The following KCNK2 variants were observed in gnomAD, a reference collection of about 807,000 sequenced individuals.
KCNK2 encodes the protein potassium two pore domain channel subfamily K member 2.
KCNK2 carries 21 observed loss-of-function variants against 40.5 expected under a neutral mutation model. The ratio of observed to expected loss-of-function variants is 0.52; its 90% CI spans 0.37 to 0.75. KCNK2 has a LOEUF of 0.75. Ranked by LOEUF, KCNK2 falls within the 30% of genes least tolerant of loss-of-function variation. KCNK2 has a pLI of 0.00. For missense variants in KCNK2, 399 were observed against 531.6 expected (o/e 0.75, Z 2.45); for synonymous variants, 191 against 202.2 (o/e 0.94, Z 0.47).
chr1:215,018,615 T>C (rs1253023787), intron 1 of KCNK2, among the ~76,000 whole-genome samples: 2 of 152,034 alleles, frequency 1.3e-5, no homozygotes, highest in African/African-American at 4.8e-5. Context: ...ATGCCACAGA[T>C]AGTATATGTG....
chr1:215,066,740 T>C (rs918262872), intron 1 of KCNK2, among the ~76,000 whole-genome samples: 11 of 152,178 alleles, frequency 7.2e-5, no homozygotes, highest in African/African-American at 2.2e-4. Flanking sequence ...TTTCTTTGCC[T>C]CGGAATCTTC....
chr1:215,234,299 C>T (rs562743846), intron 6 of KCNK2, among the ~76,000 whole-genome samples: 5 of 152,296 alleles, frequency 3.3e-5, no homozygotes, highest in African/African-American at 1.2e-4. Flanking sequence ...CGCTCTTGCA[C>T]ACACCTTTTC....
intron 6 of KCNK2, among the ~76,000 whole-genome samples, chr1:215,203,814 A>G (rs1665182268): frequency 6.6e-6 from 1 of 152,022 alleles, no homozygotes; most frequent in Non-Finnish European, 1.5e-5. Flanking sequence ...CGAGATGGGC[A>G]GATCACAAGG....
At chr1:215,132,970 G>A (rs1661741741) in intron 3 of KCNK2, among the ~76,000 whole-genome samples, 1 of 152,204 alleles carries the variant, frequency 6.6e-6, no homozygotes, top group African/African-American at 2.4e-5. Flanking sequence ...TGTGCTAGCT[G>A]TAAAGGGATT....
intron 2 of KCNK2, among the ~76,000 whole-genome samples, chr1:215,095,995 G>T (rs1368468796): frequency 3.3e-5 from 5 of 152,114 alleles, no homozygotes; most frequent in Non-Finnish European, 5.9e-5. Context: ...AGGCAAGAGT[G>T]GGGGCAAGGG....
intron 1 of KCNK2, among the ~76,000 whole-genome samples, chr1:215,029,108 A>G (rs1366000093): frequency 1.3e-5 from 2 of 152,074 alleles, no homozygotes; most frequent in African/African-American, 2.4e-5. Context: ...TTTTTTTAAA[A>G]TTGACAAACT....
At chr1:215,014,083 C>T (rs1656500412) in intron 1 of KCNK2, among the ~76,000 whole-genome samples, 1 of 151,974 alleles carries the variant, frequency 6.6e-6, no homozygotes, top group Non-Finnish European at 1.5e-5. Flanking sequence ...AGGAAATTCT[C>T]TTTTATTCTT....
intron 2 of KCNK2, among the ~76,000 whole-genome samples, chr1:215,088,336 G>A (rs555005820): frequency 6.6e-6 from 1 of 152,260 alleles, no homozygotes; most frequent in East Asian, 1.9e-4. Context: ...TCTTAAACAA[G>A]TAGTTTTCCT....
At chr1:215,164,483 C>T (rs941075526) in intron 3 of KCNK2, among the ~76,000 whole-genome samples, 1 of 151,878 alleles carries the variant, frequency 6.6e-6, no homozygotes, top group South Asian at 2.1e-4. Flanking sequence ...GCTCTTGCTT[C>T]TCTAGTTCTT....
At chr1:215,027,650 A>G (rs530081187) in intron 1 of KCNK2, among the ~76,000 whole-genome samples, 1 of 152,350 alleles carries the variant, frequency 6.6e-6, no homozygotes, top group East Asian at 1.9e-4. Flanking sequence ...AAATATTCAC[A>G]TGTACATTCC....
At chr1:215,210,670 C>T (rs1558142035) in intron 6 of KCNK2, among the ~76,000 whole-genome samples, 1 of 152,032 alleles carries the variant, frequency 6.6e-6, no homozygotes, top group Non-Finnish European at 1.5e-5. Context: ...TAGCATTCTC[C>T]CTCAAGGAGA....
At chr1:215,045,207 A>C (rs146434962) in intron 1 of KCNK2, among the ~76,000 whole-genome samples, 2 of 34,892 alleles carry the variant, frequency 5.7e-5, no homozygotes, top group Non-Finnish European at 8.1e-5. Context: ...ACAAACAAAA[A>C]CCAAAAAAAA....
At chr1:215,132,652 C>T (rs1453860914) in intron 3 of KCNK2, among the ~76,000 whole-genome samples, 1 of 151,610 alleles carries the variant, frequency 6.6e-6, no homozygotes, top group Non-Finnish European at 1.5e-5. Context: ...GTTATTTATC[C>T]CATCTACTTA....
chr1:215,086,182 C>T (rs1056025868), intron 1 of KCNK2, among the ~76,000 whole-genome samples, 186 bp from the exon 2 acceptor site: 3 of 152,134 alleles, frequency 2.0e-5, no homozygotes, highest in Admixed American at 1.3e-4. Context: ...CAGATCCAGC[C>T]CCCTTTCCTT....
chr1:215,137,351 T>C (rs1661968684), intron 3 of KCNK2, among the ~76,000 whole-genome samples: 1 of 152,232 alleles, frequency 6.6e-6, no homozygotes, highest in African/African-American at 2.4e-5. Flanking sequence ...AAATCAAGCA[T>C]GTCACCTGTT....
At chr1:215,127,104 A>G (rs1338358531) in intron 3 of KCNK2, among the ~76,000 whole-genome samples, 1 of 152,228 alleles carries the variant, frequency 6.6e-6, no homozygotes, top group African/African-American at 2.4e-5. Flanking sequence ...GACCTTTAGC[A>G]ATAGCTGCAT....
chr1:215,087,835 CTA>C (rs1447344128), intron 2 of KCNK2, among the ~76,000 whole-genome samples: 1 of 152,168 alleles, frequency 6.6e-6, no homozygotes, highest in African/African-American at 2.4e-5. Flanking sequence ...TCTCAAGATA[CTA>C]TCTCTGCCCT....
chr1:215,137,414 C>T (rs1438446731), intron 3 of KCNK2, among the ~76,000 whole-genome samples: 1 of 152,168 alleles, frequency 6.6e-6, no homozygotes, highest in Non-Finnish European at 1.5e-5. Context: ...TTGACTTTGG[C>T]TGCCTTCATG....
At position 215,025,350 on chromosome 1, in the gene KCNK2, G is replaced by A. The variant is rs117971356; in HGVS notation, c.34+19395G>A. Among the ~76,000 whole-genome samples the A allele has an allele frequency of 5.3e-5, 8 of 152,072 alleles. No individual in the cohort carries two copies. The East Asian group carries it at 1.5e-3, about 29-fold the overall frequency. Reference sequence around the variant, plus strand: ...TGGACTTTTATACTTTTATGTAAGTGATATTATTATAAGGCTTTCTTTTCA... The same window carrying A: ...TGGACTTTTATACTTTTATGTAAGTAATATTATTATAAGGCTTTCTTTTCA... On this transcript the variant is annotated intron_variant, in intron 1 of 6. Transcript: ENST00000391895.
Sources: allele counts gnomAD v4.1 joint callset (sites outside exome capture counted in the v4.1 genomes callset), GRCh38; gene constraint gnomAD v4.1.1; transcripts MANE v1.5; gene names NCBI Gene and HGNC (gene_info 2026-07-23, HGNC 2026-07-21).